TAF5L: variants seen among roughly 807,000 people sequenced by gnomAD.
TAF5L encodes TAF5-like RNA polymerase II p300/CBP-associated factor-associated factor 65 kDa subunit 5L.
In TAF5L, 7 loss-of-function variants were observed where a neutral mutation model predicts 51.3. The observed-to-expected ratio is 0.14, with a 90% confidence interval of 0.08 to 0.26. TAF5L has a LOEUF of 0.26. Among genes scored for constraint, TAF5L ranks in the 10% least tolerant of loss-of-function variants. The pLI, the probability that TAF5L is intolerant of heterozygous loss-of-function variation, is 1.00. For synonymous variants in TAF5L, 291 were observed against 308.1 expected, an observed-to-expected ratio of 0.94 and a Z score of 0.58; for missense variants, 575 against 758.9, an observed-to-expected ratio of 0.76 and a Z score of 2.85.
At chr1:229,593,505 T>C (rs565119558) in exon 5 of TAF5L, 15 of 152,298 alleles carry the variant, frequency 9.8e-5, no homozygotes, top group African/African-American at 3.6e-4. Context: ...CCACCATCAC[T>C]GCAGGAGCCC....
intron 4 of TAF5L, among the ~76,000 whole-genome samples, chr1:229,596,565 T>C (rs986585167): frequency 6.6e-6 from 1 of 152,194 alleles, no homozygotes; most frequent in African/African-American, 2.4e-5. Context: ...AAGCGATTCA[T>C]GTGATTCTTC....
intron 4 of TAF5L, among the ~76,000 whole-genome samples, chr1:229,597,894 G>T (rs1216509647): frequency 1.3e-5 from 2 of 152,082 alleles, no homozygotes; most frequent in Non-Finnish European, 2.9e-5. Flanking sequence ...TCTGCTCCTG[G>T]ACTCTGAGGC....
intron 3 of TAF5L, chr1:229,606,514 A>T: frequency 5.1e-6 from 5 of 985,346 alleles, no homozygotes; most frequent in Non-Finnish European, 6.0e-6. Flanking sequence ...ATTAAACAAA[A>T]CTAATCCTGT....
At chr1:229,622,053 CTATCTA>C (rs1558156014) in intron 1 of TAF5L, among the ~76,000 whole-genome samples, 43 of 141,152 alleles carry the variant, frequency 3.0e-4, no homozygotes, top group African/African-American at 1.2e-3. Context: ...ATCTATCTAT[CTATCTA>C]TCTATCTATA....
In TAF5L at chr1:229,594,628, C is replaced by T; in HGVS notation, c.1439G>A (p.Gly480Asp). 6.2e-7 allele frequency: 1 copy of T among 1,614,156 alleles called. No homozygotes were observed. Among genetic ancestry groups the T allele is most frequent in the Non-Finnish European group, 8.5e-7 (1 of 1,180,036 alleles). Residue 480 changes from glycine to aspartate, a missense_variant, in exon 5 of 5, where the codon GGT (glycine) becomes GAT (aspartate). By Grantham distance (94) the Gly-to-Asp change is moderately conservative (BLOSUM62 -1). Coordinates refer to ENST00000258281, the Ensembl canonical transcript of TAF5L. This position sits in a 1 kb window ranked among gnomAD's most constrained non-coding sequence, Gnocchi z 7.9. ...CTCGCCAGCAGACGCCAAGTACTTA[C>T]CGTTGGGAGAAAAGGCGAGAGAAAG...
At chr1:229,597,314 AC>A (rs1008255466) in intron 4 of TAF5L, among the ~76,000 whole-genome samples, 1 of 152,258 alleles carries the variant, frequency 6.6e-6, no homozygotes, top group African/African-American at 2.4e-5. Context: ...TGAAGGCATC[AC>A]AATTGGAGAT....
rs1337396337 is a variant in TAF5L, at chr1:229,602,126, G to A, written c.972+69C>T. 10 of 1,553,546 alleles carry A rather than the reference G, an allele frequency of 6.4e-6. No individual in the cohort carries two copies. The highest frequency in any genetic ancestry group is 1.9e-5 in the Admixed American group (1 of 53,064). ...TAGGAAGTCCATTCTAAGATATGTC[G>A]TGTTTGGTAAGGACATTCTAAGGAA... On this transcript the variant is annotated intron_variant, in intron 4 of 4. Coordinates refer to ENST00000258281, the Ensembl canonical transcript of TAF5L. The surrounding 1 kb of genome is among the most constrained non-coding windows in gnomAD (Gnocchi z 4.6).
chr1:229,620,023 CAAAAACAAAACAAAA>C (rs937015439), intron 1 of TAF5L, among the ~76,000 whole-genome samples: 3 of 151,750 alleles, frequency 2.0e-5, no homozygotes, highest in African/African-American at 4.8e-5. Flanking sequence ...ACCATTAAAG[CAAAAACAAAACAAAA>C]GAAAACAAAA....
In TAF5L at chr1:229,608,663, C is replaced by G. The variant is rs111777959; in HGVS notation, c.247+1443G>C. On this transcript the variant is annotated intron_variant, in intron 3 of 4. Transcript: ENST00000258281. ...AAATATGATATTAATCTCTCCATGA[C>G]AGATTTATTTTCACCATACTAGTGG... Among the ~76,000 whole-genome samples the G allele has an allele frequency of 4.5e-4, 68 of 152,226 alleles. 1 individual carries two copies. Among genetic ancestry groups the G allele is most frequent in the African/African-American group, 1.6e-3 (68 of 41,534 alleles).
Position 229,601,937 on chromosome 1 carries a change from G to A in TAF5L, c.972+258C>T, listed in dbSNP as rs1056646754. The A allele has an allele frequency of 4.9e-5, 62 of 1,264,180 alleles. No homozygotes were observed. The African/African-American group carries it at 8.9e-4, about 18-fold the overall frequency. The allele number at this position is 1,264,180 out of a possible 1,614,324, so 78.3% of individuals were successfully genotyped here. ...AGCTAAAGGTCTTTCATTAGGCTTA[G>A]TGTTGCTATCCACATTTCACATAGT... On this transcript the variant is annotated intron_variant, in intron 4 of 4. Coordinates refer to ENST00000258281, the Ensembl canonical transcript of TAF5L.
chr1:229,604,973 C>T (rs554431539), intron 3 of TAF5L, among the ~76,000 whole-genome samples: 2 of 152,026 alleles, frequency 1.3e-5, no homozygotes, highest in African/African-American at 4.8e-5. Context: ...AGTCTCGCTC[C>T]GTCACCCAGG....
At chr1:229,619,883 T>G (rs944647277) in intron 1 of TAF5L, among the ~76,000 whole-genome samples, 2 of 152,094 alleles carry the variant, frequency 1.3e-5, no homozygotes, top group African/African-American at 4.8e-5. Context: ...CATTCCCGGC[T>G]TCACCACACC....
intron 2 of TAF5L, among the ~76,000 whole-genome samples, chr1:229,612,284 A>C (rs1433016878): frequency 6.6e-6 from 1 of 152,240 alleles, no homozygotes; most frequent in Non-Finnish European, 1.5e-5. Context: ...TATTCTATTG[A>C]AACTAAGACA....
At chr1:229,608,582 G>A (rs1664678609) in intron 3 of TAF5L, among the ~76,000 whole-genome samples, 1 of 152,136 alleles carries the variant, frequency 6.6e-6, no homozygotes, top group Admixed American at 6.5e-5. Flanking sequence ...GAGGCTTTAA[G>A]CAACTTGCAG....
At chr1:229,600,807 T>G in intron 4 of TAF5L, 1 of 985,462 alleles carries the variant, frequency 1.0e-6, no homozygotes, top group Non-Finnish European at 1.2e-6. Context: ...TGTTTTATTT[T>G]GGTCTACTGT....
At position 229,602,358 on chromosome 1, in the gene TAF5L, A is replaced by G. The variant is rs768222417; in HGVS notation, c.809T>C (p.Leu270Pro). The change falls in exon 4 of 5, where the codon CTG becomes CCG. Residue 270 changes from leucine to proline, a missense_variant. By Grantham distance (98) the Leu-to-Pro change is moderately conservative. Coordinates refer to ENST00000258281, the Ensembl canonical transcript of TAF5L. This position sits in a 1 kb window ranked among gnomAD's most constrained non-coding sequence, Gnocchi z 4.6. Reference sequence around the variant, plus strand: ...GGGGGAGATTTCTGCAGTGTTCAACAGCTGCTCTGTGTTATAGAAGGCATA... The same window carrying G: ...GGGGGAGATTTCTGCAGTGTTCAACGGCTGCTCTGTGTTATAGAAGGCATA... 3.7e-6 allele frequency: 6 copies of G among 1,614,070 alleles called. No homozygotes were observed. In the South Asian group the frequency reaches 6.6e-5, roughly 18 times the overall value.
At chr1:229,599,308 C>T (rs1481166357) in intron 4 of TAF5L, 2 of 551,472 alleles carry the variant, frequency 3.6e-6, no homozygotes, top group South Asian at 8.0e-5. Flanking sequence ...TAATTACATA[C>T]TATATAATTC....
chr1:229,599,286 T>TTA, intron 4 of TAF5L: 1 of 736,626 alleles, frequency 1.4e-6, no homozygotes, highest in Non-Finnish European at 1.7e-6. Flanking sequence ...TTTTTTTTTT[T>TTA]AAACTGAGAT....
chr1:229,622,019 AT>A (rs1665219198), intron 1 of TAF5L, among the ~76,000 whole-genome samples: 2 of 1,730 alleles, frequency 1.2e-3, no homozygotes, highest in African/African-American at 3.2e-3. Context: ...ATTCATCATC[AT>A]CTATCTATCT....
Sources: allele counts gnomAD v4.1 joint callset (sites outside exome capture counted in the v4.1 genomes callset), GRCh38; gene constraint gnomAD v4.1.1; non-coding constraint Gnocchi (gnomAD v3.1); transcripts MANE v1.5; gene names NCBI Gene and HGNC (gene_info 2026-07-23, HGNC 2026-07-21).